Variants in ZNF589 observed in about 807,000 individuals in gnomAD.
ZNF589 encodes the protein zinc finger protein 589, also known as KRAB-zinc finger protein SZF1-1.
Under a neutral mutation model 13.6 loss-of-function variants are expected in ZNF589, and 17 were observed. That is an observed-to-expected ratio of 1.25 (90% CI 0.86 to 1.88). The LOEUF (loss-of-function observed/expected upper bound fraction) is 1.88, where lower values mean the gene tolerates loss of function less well. Among genes scored for constraint, ZNF589 ranks in the 40% most tolerant of loss-of-function variants. The pLI, the probability that ZNF589 is intolerant of heterozygous loss-of-function variation, is 0.00. For missense variants in ZNF589, 407 were observed against 434.0 expected, an observed-to-expected ratio of 0.94 and a Z score of 0.55; for synonymous variants, 148 against 161.6, an observed-to-expected ratio of 0.92 and a Z score of 0.64.
At chr3:48,262,947 A>G (rs747989737) in intron 3 of ZNF589, among the ~76,000 whole-genome samples, 4 of 152,234 alleles carry the variant, frequency 2.6e-5, no homozygotes, top group Non-Finnish European at 5.9e-5. Context: ...ACTAGAACAC[A>G]TGTAGTCATC....
chr3:48,252,389 C>T (rs181833583), intron 2 of ZNF589, among the ~76,000 whole-genome samples: 3 of 151,806 alleles, frequency 2.0e-5, no homozygotes, highest in Admixed American at 2.0e-4. Flanking sequence ...GATGGGGTTT[C>T]ACCGTGTTAG....
At chr3:48,251,395 T>C (rs1490098558) in intron 2 of ZNF589, among the ~76,000 whole-genome samples, 1 of 141,950 alleles carries the variant, frequency 7.0e-6, no homozygotes, top group African/African-American at 2.6e-5. Context: ...AGACTCCATC[T>C]CAAAAAAAAA....
Position 48,269,558 on chromosome 3 carries a change from C to G in ZNF589, c.*772C>G. ...CATCGAGTGTGGGCGAAACTTTAGC[C>G]ACAAGTCCACTCTCAGCTTACATCA... On this transcript the variant is annotated 3_prime_UTR_variant, in exon 4 of 4. Transcript: ENST00000354698. 2 of 339,012 alleles carry G rather than the reference C, an allele frequency of 5.9e-6. No individual in the cohort carries two copies. The highest frequency in any genetic ancestry group is 1.2e-5 in the Non-Finnish European group (2 of 173,080). 21.0% of individuals were successfully genotyped at this position (339,012 alleles called of 1,614,324 possible). A position where few individuals can be genotyped will look rare whatever the true frequency, so the allele number is the denominator to read the frequency against.
intron 3 of ZNF589, among the ~76,000 whole-genome samples, chr3:48,261,163 C>CT (rs2033966420): frequency 6.6e-6 from 1 of 151,386 alleles, no homozygotes; most frequent in African/African-American, 2.4e-5. Flanking sequence ...TGCTACATAG[C>CT]TAAAAAAAAA....
At position 48,268,296 on chromosome 3, in the gene ZNF589, G is replaced by T. The variant is rs200772666; in HGVS notation, c.605G>T (p.Arg202Ile). 9 of 1,613,378 alleles carry T rather than the reference G, an allele frequency of 5.6e-6. No individual in the cohort carries two copies. The African/African-American group carries it at 6.7e-5, about 12-fold the overall frequency. The change falls in exon 4 of 4, where the codon AGA becomes ATA. Residue 202 changes from arginine to isoleucine, a missense_variant. Physicochemically the swap from Arg to Ile is moderately conservative, Grantham distance 97. Transcript: ENST00000354698. ...AQNASSEEVD[R>I]ISKRAETPGF... ...AATGCAAGCTCTGAGGAAGTAGACAGAATTTCCAAGAGGGCAGAAACCCCA... is the reference window on the plus strand; with the variant it reads ...AATGCAAGCTCTGAGGAAGTAGACATAATTTCCAAGAGGGCAGAAACCCCA...
chr3:48,241,150 T>C lies in ZNF589; in HGVS notation c.-22T>C, dbSNP rs2033690285. ...ACACGGTGCTGCTACCTCGTTTGCT[T>C]CGTGCGTGCGTGCGCGCGCAGATGT... On this transcript the variant is annotated 5_prime_UTR_variant, in exon 1 of 4. Coordinates refer to ENST00000354698, the MANE Select transcript of ZNF589 (RefSeq NM_016089.3). 1 of 1,601,080 alleles carries C rather than the reference T, an allele frequency of 6.2e-7. No individual in the cohort carries two copies.
chr3:48,263,401 C>A (rs1309456818), intron 3 of ZNF589, among the ~76,000 whole-genome samples: 1 of 152,234 alleles, frequency 6.6e-6, no homozygotes, highest in Non-Finnish European at 1.5e-5. Context: ...TGAGCCGCCA[C>A]GCCCGGCTCC....
chr3:48,253,590 C>A (rs1437053709), intron 2 of ZNF589, among the ~76,000 whole-genome samples: 1 of 151,650 alleles, frequency 6.6e-6, no homozygotes, highest in African/African-American at 2.4e-5. Context: ...AGCTCTGCCT[C>A]CCGGGTCCAC....
At chr3:48,249,286 A>G (rs2033807777) in intron 2 of ZNF589, among the ~76,000 whole-genome samples, 1 of 152,068 alleles carries the variant, frequency 6.6e-6, no homozygotes, top group Non-Finnish European at 1.5e-5. Flanking sequence ...TATTTTTAGT[A>G]GAAACAGGGT....
chr3:48,262,198 A>AT (rs1354691180), intron 3 of ZNF589, among the ~76,000 whole-genome samples: 1 of 151,784 alleles, frequency 6.6e-6, no homozygotes, highest in Non-Finnish European at 1.5e-5. Context: ...TATTTTATTT[A>AT]TTTTTTTTGA....
chr3:48,269,590 A>G lies in ZNF589; in HGVS notation c.*804A>G, dbSNP rs1003828985. Reference sequence around the variant, plus strand: ...CCACTCTCAGCTTACATCAGAGGATACACTCGGGGGAGAAGCCTTATGCAT... The same window carrying G: ...CCACTCTCAGCTTACATCAGAGGATGCACTCGGGGGAGAAGCCTTATGCAT... On this transcript the variant is annotated 3_prime_UTR_variant, in exon 4 of 4. Coordinates refer to ENST00000354698, the MANE Select transcript of ZNF589 (RefSeq NM_016089.3). The G allele has an allele frequency of 1.8e-5, 6 of 340,836 alleles. No homozygotes were observed. Among genetic ancestry groups the G allele is most frequent in the Middle Eastern group, 4.7e-4 (1 of 2,144 alleles). The allele number at this position is 340,836 out of a possible 1,614,324, so 21.1% of individuals were successfully genotyped here. A position where few individuals can be genotyped will look rare whatever the true frequency, so the allele number is the denominator to read the frequency against.
Position 48,270,265 on chromosome 3 carries a change from A to C in ZNF589, c.*1479A>C, listed in dbSNP as rs1559984685. The stretch of plus-strand genomic sequence containing the variant: ...CCCCTTCCTAACCCTCCAGTCCCAA[A>C]TCCAAGATTCTTTAACCACACTCTA... On this transcript the variant is annotated 3_prime_UTR_variant, in exon 4 of 4. Coordinates refer to ENST00000354698, the MANE Select transcript of ZNF589 (RefSeq NM_016089.3). The C allele has an allele frequency of 2.2e-6, 1 of 456,380 alleles. No individual in the cohort carries two copies. The highest frequency in any genetic ancestry group is 3.3e-4 in the Middle Eastern group (1 of 3,074). 28.3% of individuals were successfully genotyped at this position (456,380 alleles called of 1,614,324 possible).
Position 48,270,073 on chromosome 3 carries a change from G to C in ZNF589, c.*1287G>C, listed in dbSNP as rs2034073607. ...CCTTGGAGGAATGGTCTTTGCATCT[G>C]ACTACTTCCTTCTGCAACTGTGTTC... is the stretch of plus-strand genomic sequence containing the variant. On this transcript the variant is annotated 3_prime_UTR_variant, in exon 4 of 4. Coordinates refer to ENST00000354698, the MANE Select transcript of ZNF589 (RefSeq NM_016089.3). 1 of 457,112 alleles carries C rather than the reference G, an allele frequency of 2.2e-6. No individual in the cohort carries two copies. Among genetic ancestry groups the C allele is most frequent in the African/African-American group, 2.0e-5 (1 of 50,060 alleles). The allele number at this position is 457,112 out of a possible 1,614,324, so 28.3% of individuals were successfully genotyped here. A position where few individuals can be genotyped will look rare whatever the true frequency, so the allele number is the denominator to read the frequency against.
chr3:48,269,083 GAC>G lies in ZNF589; in HGVS notation c.*304_*305del, dbSNP rs1425526518. On this transcript the variant is annotated 3_prime_UTR_variant, in exon 4 of 4. Transcript: ENST00000354698. Reference sequence around the variant, plus strand: ...GGATAGTCCTCAATGGACACTGGAGGACACACACGGGAGAGAAGCCTTACACG... The same window carrying G: ...GGATAGTCCTCAATGGACACTGGAGGACACACGGGAGAGAAGCCTTACACG... 1.5e-6 allele frequency: 1 copy of G among 648,200 alleles called. No homozygotes were observed. The highest frequency in any genetic ancestry group is 1.8e-5 in the African/African-American group (1 of 54,860). The allele number at this position is 648,200 out of a possible 1,614,324, so 40.2% of individuals were successfully genotyped here. A position where few individuals can be genotyped will look rare whatever the true frequency, so the allele number is the denominator to read the frequency against.
chr3:48,256,755 T>G (rs1386505955), intron 2 of ZNF589: 1 of 1,604,216 alleles, frequency 6.2e-7, no homozygotes, highest in East Asian at 2.2e-5. Flanking sequence ...TTAGGAGGAT[T>G]TGGACTCTCC....
At chr3:48,254,094 AAAAC>A (rs1236653064) in intron 2 of ZNF589, among the ~76,000 whole-genome samples, 2 of 152,078 alleles carry the variant, frequency 1.3e-5, no homozygotes, top group Non-Finnish European at 2.9e-5. Context: ...TATCTCTTAA[AAAAC>A]AAACAAAACA....
chr3:48,268,832 A>G lies in ZNF589; in HGVS notation c.*46A>G. The G allele has an allele frequency of 6.4e-7, 1 of 1,563,788 alleles. No homozygotes were observed. The highest frequency in any genetic ancestry group is 8.6e-7 in the Non-Finnish European group (1 of 1,156,640). ...ATCATGTCTCAACACACACCAGAGG[A>G]TACATTCAGATGAGAAGCCTTTTGT... On this transcript the variant is annotated 3_prime_UTR_variant, in exon 4 of 4. Coordinates refer to ENST00000354698, the MANE Select transcript of ZNF589 (RefSeq NM_016089.3).
At position 48,268,231 on chromosome 3, in the gene ZNF589, A is replaced by G. The variant is rs1399821722; in HGVS notation, c.540A>G (p.Gly180=). The G allele has an allele frequency of 6.2e-7, 1 of 1,605,270 alleles. No individual in the cohort carries two copies. Among genetic ancestry groups the G allele is most frequent in the Non-Finnish European group, 8.5e-7 (1 of 1,175,324 alleles). ...LFQRPPISSW[G]GNRILEIQLS... ...AGAGACCACCAATAAGCTCTTGGGG[A>G]GGCAACAGAATATTAGAGATACAGC... is the stretch of plus-strand genomic sequence containing the variant. The change falls in exon 4 of 4, where the codon GGA becomes GGG. Residue 180 remains glycine, a synonymous_variant. Transcript: ENST00000354698.
chr3:48,243,538 G>A (rs2033720383), intron 1 of ZNF589, among the ~76,000 whole-genome samples: 1 of 152,020 alleles, frequency 6.6e-6, no homozygotes, highest in Non-Finnish European at 1.5e-5. Context: ...TGGACCGGGC[G>A]CGGTGACTCA....
Sources: gnomAD v4.1 joint callset for allele counts (sites outside exome capture counted in the v4.1 genomes callset) on GRCh38, gnomAD v4.1.1 for gene constraint, MANE v1.5 for transcripts, NCBI Gene and HGNC (gene_info 2026-07-23, HGNC 2026-07-21) for gene names.